The following SMYD3 variants were observed in gnomAD, a reference collection of about 807,000 sequenced individuals.
SMYD3 encodes SET and MYND domain containing 3.
SMYD3 carries 36 observed loss-of-function variants against 57.7 expected under a neutral mutation model. The ratio of observed to expected loss-of-function variants is 0.62; its 90% CI spans 0.48 to 0.82. SMYD3 has a LOEUF of 0.82. Among genes scored for constraint, SMYD3 ranks in the 40% least tolerant of loss-of-function variants. SMYD3 has a pLI of 0.00. For synonymous variants in SMYD3, 211 were observed against 195.0 expected (o/e 1.08, Z -0.68); for missense variants, 515 against 538.8 (o/e 0.96, Z 0.44).
intron 5 of SMYD3, among the ~76,000 whole-genome samples, chr1:246,217,108 C>A (rs1486639913): frequency 6.6e-6 from 1 of 151,828 alleles, no homozygotes; most frequent in Non-Finnish European, 1.5e-5. Context: ...CAGAAGTTGG[C>A]ATCTAACCAA....
chr1:246,384,465 G>A (rs907890598), intron 1 of SMYD3, among the ~76,000 whole-genome samples: 4 of 151,586 alleles, frequency 2.6e-5, no homozygotes, highest in Admixed American at 6.6e-5. Flanking sequence ...GTGCCATCTC[G>A]GCTCACTGCA....
At chr1:246,144,315 T>C (rs1301470796) in intron 5 of SMYD3, among the ~76,000 whole-genome samples, 2 of 152,250 alleles carry the variant, frequency 1.3e-5, no homozygotes, top group Non-Finnish European at 2.9e-5. Flanking sequence ...ATTTATTGAA[T>C]GTGTTTTTGG....
At chr1:246,040,328 G>T (rs1453114035) in intron 5 of SMYD3, among the ~76,000 whole-genome samples, 1 of 152,212 alleles carries the variant, frequency 6.6e-6, no homozygotes, top group Non-Finnish European at 1.5e-5. Flanking sequence ...CACCATCACA[G>T]CTTATTCAGA....
intron 10 of SMYD3, among the ~76,000 whole-genome samples, chr1:245,813,897 T>C (rs1467272159): frequency 4.9e-5 from 4 of 81,256 alleles, no homozygotes; most frequent in African/African-American, 1.3e-4. Context: ...TATATATATA[T>C]ATATATACAG....
At chr1:245,829,393 A>G (rs1486608426) in intron 10 of SMYD3, among the ~76,000 whole-genome samples, 1 of 152,118 alleles carries the variant, frequency 6.6e-6, no homozygotes, top group Non-Finnish European at 1.5e-5. Flanking sequence ...CCTTTCACGG[A>G]TGAGACAACA....
At chr1:246,401,453 C>T (rs2102968808) in intron 1 of SMYD3, among the ~76,000 whole-genome samples, 1 of 152,252 alleles carries the variant, frequency 6.6e-6, no homozygotes, top group Admixed American at 6.5e-5. Context: ...CCTGCCTCAG[C>T]CTACCAAGTA....
chr1:245,753,418 T>C (rs1353136385), intron 11 of SMYD3, among the ~76,000 whole-genome samples: 1 of 152,202 alleles, frequency 6.6e-6, no homozygotes, highest in Non-Finnish European at 1.5e-5. Flanking sequence ...GTGCAAAATA[T>C]GTTAGTGACT....
chr1:246,214,551 A>G (rs1416576457), intron 5 of SMYD3, among the ~76,000 whole-genome samples: 3 of 152,186 alleles, frequency 2.0e-5, no homozygotes, highest in Non-Finnish European at 4.4e-5. Flanking sequence ...AAACCAAGGA[A>G]TTTTTAAAAT....
At chr1:246,489,030 G>A (rs569660859) in intron 1 of SMYD3, among the ~76,000 whole-genome samples, 41 of 152,224 alleles carry the variant, frequency 2.7e-4, no homozygotes, top group African/African-American at 7.2e-4. Context: ...TTCTGAGGGA[G>A]GTGAATGGTA....
At position 246,245,355 on chromosome 1, in the gene SMYD3, A is replaced by G. The variant is rs1257239020; in HGVS notation, c.531+81846T>C. ...CTATTCAGGAGGCTGAGGCACGAGA[A>G]TCTCTTGAACCTGGGAAGCAGAGGC... On this transcript the variant is annotated intron_variant, in intron 5 of 11. Coordinates refer to ENST00000490107, the MANE Select transcript of SMYD3 (RefSeq NM_001167740.2). Among the ~76,000 whole-genome samples, 3 of 152,058 alleles carry G rather than the reference A, an allele frequency of 2.0e-5. No individual in the cohort carries two copies. In the East Asian group the frequency reaches 5.8e-4, roughly 29 times the overall value.
intron 5 of SMYD3, among the ~76,000 whole-genome samples, chr1:246,307,816 G>A (rs1483762255): frequency 6.6e-6 from 1 of 152,096 alleles, no homozygotes; most frequent in African/African-American, 2.4e-5. Context: ...AAATTGCAGG[G>A]GAAACCTGAA....
intron 1 of SMYD3, among the ~76,000 whole-genome samples, chr1:246,407,613 G>A (rs527642286): frequency 2.4e-4 from 37 of 152,190 alleles, no homozygotes; most frequent in Non-Finnish European, 4.9e-4. Context: ...AAGCAGAGGC[G>A]GGTGGATCAC....
intron 5 of SMYD3, among the ~76,000 whole-genome samples, chr1:246,058,909 C>T (rs1171137830): frequency 1.3e-5 from 2 of 149,152 alleles, no homozygotes; most frequent in Admixed American, 1.4e-4. Flanking sequence ...GACGGAGTCT[C>T]TGTCGCCCAG....
intron 5 of SMYD3, among the ~76,000 whole-genome samples, chr1:246,156,715 TG>T (rs1359011729): frequency 6.6e-6 from 1 of 152,166 alleles, no homozygotes; most frequent in African/African-American, 2.4e-5. Context: ...CAAGGTGTTT[TG>T]GGGAGCAAAG....
chr1:245,771,107 C>T (rs536541987), intron 10 of SMYD3, among the ~76,000 whole-genome samples: 6 of 151,856 alleles, frequency 4.0e-5, no homozygotes, highest in Admixed American at 3.3e-4. Context: ...TATATACATA[C>T]ATATATACAC....
rs1558228762 is a variant in SMYD3 at position 246,101,063 on chromosome 1, G to GTT, written c.532-171127_532-171126insAA. Among the ~76,000 whole-genome samples, 143 of 92,940 alleles carry GTT rather than the reference G, an allele frequency of 1.5e-3. 2 individuals are homozygous for GTT. The highest frequency in any genetic ancestry group is 2.2e-3 in the Non-Finnish European group (85 of 39,066). 61.0% of individuals were successfully genotyped at this position (92,940 alleles called of 152,430 possible). A position where few individuals can be genotyped will look rare whatever the true frequency, so the allele number is the denominator to read the frequency against. On this transcript the variant is annotated intron_variant, in intron 5 of 11. Coordinates refer to ENST00000490107, the MANE Select transcript of SMYD3 (RefSeq NM_001167740.2). ...ATCACTAGTAATATGTATTTTTAGGGGTTTTTTGTTTTTTTTTTTTTTTTT... is the reference window on the plus strand; with the variant it reads ...ATCACTAGTAATATGTATTTTTAGGGTTGTTTTTTGTTTTTTTTTTTTTTTTT...
At chr1:246,423,766 C>A (rs2067179972) in intron 1 of SMYD3, among the ~76,000 whole-genome samples, 2 of 151,978 alleles carry the variant, frequency 1.3e-5, no homozygotes, top group African/African-American at 4.8e-5. Flanking sequence ...AGGTAAGCAG[C>A]CTGTTTAAAA....
At chr1:246,290,456 T>C (rs2064667246) in intron 5 of SMYD3, among the ~76,000 whole-genome samples, 1 of 152,216 alleles carries the variant, frequency 6.6e-6, no homozygotes, top group Non-Finnish European at 1.5e-5. Flanking sequence ...TACAAAAAGT[T>C]TCTTCATCAA....
intron 5 of SMYD3, among the ~76,000 whole-genome samples, chr1:245,959,750 T>C (rs1472378054): frequency 6.6e-6 from 1 of 152,194 alleles, no homozygotes; most frequent in African/African-American, 2.4e-5. Flanking sequence ...GTAAAATCTC[T>C]GTTTTTTTAG....
Sources: gnomAD v4.1 joint callset for allele counts (sites outside exome capture counted in the v4.1 genomes callset) on GRCh38, gnomAD v4.1.1 for gene constraint, MANE v1.5 for transcripts, NCBI Gene and HGNC (gene_info 2026-07-23, HGNC 2026-07-21) for gene names.